The following GAPVD1 variants were observed in gnomAD, a reference collection of about 807,000 sequenced individuals.
GAPVD1 encodes the protein GTPase activating protein and VPS9 domains 1.
A neutral mutation model predicts 155.5 loss-of-function variants in GAPVD1; 35 were observed. That is an observed-to-expected ratio of 0.23 (90% CI 0.17 to 0.30). GAPVD1 has a LOEUF of 0.30. Ranked by LOEUF, GAPVD1 falls within the 10% of genes least tolerant of loss-of-function variation. The pLI is 1.00. For synonymous variants in GAPVD1, 636 were observed against 619.7 expected, an observed-to-expected ratio of 1.03 and a Z score of -0.39; for missense variants, 1,429 against 1,775.7, an observed-to-expected ratio of 0.80 and a Z score of 3.51.
intron 2 of GAPVD1, among the ~76,000 whole-genome samples, chr9:125,294,946 T>C (rs976212501): frequency 3.3e-5 from 5 of 151,840 alleles, no homozygotes; most frequent in Non-Finnish European, 7.4e-5. Flanking sequence ...AAAGTAGATG[T>C]TACTGACAAA....
At chr9:125,324,075 A>ATG (rs1464671541) in intron 11 of GAPVD1, 152 bp downstream of exon 11, 1 of 634,474 alleles carries the variant, frequency 1.6e-6, no homozygotes, top group Non-Finnish European at 2.7e-6. Context: ...AGTTCTTCAA[A>ATG]ATCTATTTAG....
rs568165240 is a variant in GAPVD1, at chr9:125,331,907, C to T, written c.2174-19C>T. ...CTAAGAGAATCACAAATGTAACATA[C>T]CTCTTATCTTCTATTTAGAGGCCCC... On this transcript the variant is annotated intron_variant, in intron 13 of 27. Transcript: ENST00000297933. 20 of 1,612,882 alleles carry T rather than the reference C, an allele frequency of 1.2e-5. No individual in the cohort carries two copies. The highest frequency in any genetic ancestry group is 3.3e-4 in the Middle Eastern group (2 of 6,032).
chr9:125,328,205 TAA>T (rs76901826), intron 12 of GAPVD1, among the ~76,000 whole-genome samples: 18 of 142,390 alleles, frequency 1.3e-4, no homozygotes, highest in African/African-American at 1.9e-4. Flanking sequence ...TTTTTTTTTT[TAA>T]ATTTATTTTT....
intron 23 of GAPVD1, among the ~76,000 whole-genome samples, chr9:125,351,850 C>G (rs1398968976): frequency 1.3e-5 from 2 of 152,128 alleles, no homozygotes; most frequent in Admixed American, 1.3e-4. Flanking sequence ...AAGCAGTTCC[C>G]CTGCCTCAGC....
In GAPVD1 at chr9:125,336,299, A is replaced by C. The variant is rs565316572; in HGVS notation, c.2429-719A>C. Among the ~76,000 whole-genome samples, 134 of 151,318 alleles carry C rather than the reference A, an allele frequency of 8.9e-4. 1 individual carries two copies. The highest frequency in any genetic ancestry group is 4.0e-3 in the South Asian group (19 of 4,796). On this transcript the variant is annotated intron_variant, in intron 15 of 27. Coordinates refer to ENST00000297933, the MANE Select transcript of GAPVD1 (RefSeq NM_001282680.3). ...AGATATAGCTTGAGACCAAAAAAAA[A>C]AAAAAACAAAAAACAAAAAATAGCT...
chr9:125,356,220 G>A (rs1850058260), intron 25 of GAPVD1, among the ~76,000 whole-genome samples: 1 of 152,130 alleles, frequency 6.6e-6, no homozygotes, highest in Non-Finnish European at 1.5e-5. Context: ...TCCTGTTAGG[G>A]CTCTCTCAGG....
chr9:125,304,419 G>GT (rs201942035), intron 5 of GAPVD1, among the ~76,000 whole-genome samples: 44 of 151,628 alleles, frequency 2.9e-4, no homozygotes, highest in East Asian at 9.7e-4. Flanking sequence ...TTTTTTGTTT[G>GT]TTTTTTTTGT....
At chr9:125,270,890 G>A (rs1223567245) in intron 2 of GAPVD1, among the ~76,000 whole-genome samples, 3 of 151,942 alleles carry the variant, frequency 2.0e-5, no homozygotes, top group Non-Finnish European at 4.4e-5. Flanking sequence ...CAGAGGTTGC[G>A]ATGAGCCGAG....
At chr9:125,321,604 A>G (rs1432963623) in intron 10 of GAPVD1, 42 bp downstream of exon 10, 6 of 1,576,608 alleles carry the variant, frequency 3.8e-6, no homozygotes, top group South Asian at 1.1e-5. Flanking sequence ...GGTTCAATTA[A>G]TAGTTTGTTT....
intron 20 of GAPVD1, among the ~76,000 whole-genome samples, chr9:125,349,069 T>C (rs1167700392): frequency 6.6e-6 from 1 of 152,236 alleles, no homozygotes; most frequent in East Asian, 1.9e-4. Context: ...CTTTTAGTTC[T>C]CTGGTTCAGT....
chr9:125,310,430 A>C (rs998639774), intron 8 of GAPVD1, among the ~76,000 whole-genome samples: 1 of 151,632 alleles, frequency 6.6e-6, no homozygotes, highest in Non-Finnish European at 1.5e-5. Flanking sequence ...TTTTTGCTTT[A>C]TGTCTGTATT....
chr9:125,320,762 A>G (rs944949363), intron 9 of GAPVD1, among the ~76,000 whole-genome samples: 1 of 151,988 alleles, frequency 6.6e-6, no homozygotes, highest in African/African-American at 2.4e-5. Flanking sequence ...AGTAGCTGGG[A>G]CTACAGGCAC....
intron 25 of GAPVD1, 33 bp downstream of exon 25, chr9:125,355,890 A>T: frequency 4.4e-6 from 5 of 1,147,966 alleles, no homozygotes; most frequent in African/African-American, 1.5e-5. Context: ...CCTATGTGGA[A>T]CTACATAGGG....
At chr9:125,264,193 C>T in intron 1 of GAPVD1, 1 of 625,540 alleles carries the variant, frequency 1.6e-6, no homozygotes, top group Admixed American at 2.5e-5. Flanking sequence ...TCAGGGTAGT[C>T]TTTTGTTTTG....
At position 125,359,835 on chromosome 9, in the gene GAPVD1, T is replaced by C. The variant is rs373929235; in HGVS notation, c.4044+343T>C. The stretch of plus-strand genomic sequence containing the variant: ...GGGAGGCTGATAGCACTCCAAAGAG[T>C]GAGATATGCTGTCTCAGGAGAGGTC... On this transcript the variant is annotated intron_variant, in intron 26 of 27. Transcript: ENST00000297933. 27 of 215,684 alleles carry C rather than the reference T, an allele frequency of 1.3e-4. 1 individual carries two copies. In the South Asian group the frequency reaches 2.5e-3, roughly 20 times the overall value. 13.4% of individuals were successfully genotyped at this position (215,684 alleles called of 1,614,324 possible).
intron 15 of GAPVD1, among the ~76,000 whole-genome samples, chr9:125,334,864 G>A (rs1056322927): frequency 6.6e-6 from 1 of 152,054 alleles, no homozygotes; most frequent in African/African-American, 2.4e-5. Flanking sequence ...GGAGTTTGTT[G>A]CCAGTGATGA....
At chr9:125,274,042 C>T (rs1273835820) in intron 2 of GAPVD1, among the ~76,000 whole-genome samples, 1 of 151,642 alleles carries the variant, frequency 6.6e-6, no homozygotes, top group Non-Finnish European at 1.5e-5. Context: ...CACTTGAGCT[C>T]AGGAGCCTGC....
intron 11 of GAPVD1, 41 bp downstream of exon 11, chr9:125,323,964 T>C: frequency 6.3e-7 from 1 of 1,581,348 alleles, no homozygotes; most frequent in Non-Finnish European, 8.6e-7. Context: ...TAGCAAAGAA[T>C]TTACCTGATT....
chr9:125,332,346 A>G (rs1846215369), intron 14 of GAPVD1, among the ~76,000 whole-genome samples, 164 bp from the exon 15 acceptor site: 1 of 152,328 alleles, frequency 6.6e-6, no homozygotes. Flanking sequence ...AAGCAAGGTA[A>G]GTATATTTAA....
Sources: gnomAD v4.1 joint callset for allele counts (sites outside exome capture counted in the v4.1 genomes callset) on GRCh38, gnomAD v4.1.1 for gene constraint, MANE v1.5 for transcripts, NCBI Gene and HGNC (gene_info 2026-07-23, HGNC 2026-07-21) for gene names.